Variants in EFCAB12 observed in about 807,000 individuals in gnomAD.
EFCAB12 encodes the protein EF-hand calcium binding domain 12.
EFCAB12 carries 43 observed loss-of-function variants against 53.6 expected under a neutral mutation model. The observed-to-expected ratio is 0.80, with a 90% CI of 0.63 to 1.03. The LOEUF is 1.03. Ranked by LOEUF, EFCAB12 falls within the 50% of genes least tolerant of loss-of-function variation. The pLI, the probability that EFCAB12 is intolerant of heterozygous loss-of-function variation, is 0.00. For synonymous variants in EFCAB12, 269 were observed against 289.2 expected (o/e 0.93, Z 0.71); for missense variants, 646 against 730.6 (o/e 0.88, Z 1.34).
rs754212590 is a variant in EFCAB12 at position 129,428,501 on chromosome 3, G to T, written c.-13C>A. On this transcript the variant is annotated 5_prime_UTR_variant, in exon 1 of 9. Transcript: ENST00000505956. ...AGTCGTCGTCCATGGTCGTGGTGCT[G>T]GGAGGGGGTGCTGAAGGGCGTGTGT... The T allele has an allele frequency of 1.2e-6, 2 of 1,610,788 alleles. No individual in the cohort carries two copies. The highest frequency in any genetic ancestry group is 3.4e-5 in the Admixed American group (2 of 59,552).
chr3:129,404,318 CCAGT>C lies in EFCAB12; in HGVS notation c.1331_1334del (p.Asp444GlyfsTer45). ...GAGCCAGATTCGGAGAAAAGACCTT[CCAGT>C]CAGAGTAGTAGCCTCCCGGCTGCCG... On this transcript the variant is annotated frameshift_variant, in exon 7 of 9. Transcript: ENST00000505956. LOFTEE classifies it high-confidence loss of function. The C allele has an allele frequency of 6.2e-7, 1 of 1,613,878 alleles. No individual in the cohort carries two copies.
At chr3:129,402,805 G>C (rs761883757) in intron 7 of EFCAB12, 16 of 534,466 alleles carry the variant, frequency 3.0e-5, no homozygotes, top group Non-Finnish European at 4.7e-5. Context: ...AATCTGGCCA[G>C]GTGACCTGGG....
At position 129,401,441 on chromosome 3, in the gene EFCAB12, G is replaced by C. The variant is rs2071868014; in HGVS notation, c.*152C>G. Reference sequence around the variant, plus strand: ...TACCCTCTGAGACACTGGACACTTTGAGTCCAGAGGGAACTGGCCCCCGGT... The same window carrying C: ...TACCCTCTGAGACACTGGACACTTTCAGTCCAGAGGGAACTGGCCCCCGGT... On this transcript the variant is annotated 3_prime_UTR_variant, in exon 9 of 9. Transcript: ENST00000505956. The C allele has an allele frequency of 2.7e-6, 3 of 1,101,862 alleles. No homozygotes were observed. Among genetic ancestry groups the C allele is most frequent in the African/African-American group, 3.2e-5 (2 of 63,316 alleles). The allele number at this position is 1,101,862 out of a possible 1,614,324, so 68.3% of individuals were successfully genotyped here. A position where few individuals can be genotyped will look rare whatever the true frequency, so the allele number is the denominator to read the frequency against.
In EFCAB12 at chr3:129,421,519, G is replaced by C. The variant is rs1270767215; in HGVS notation, c.334C>G (p.Leu112Val). Residue 112 changes from leucine to valine, a missense_variant, in exon 2 of 9, where the codon CTG becomes GTG. Coordinates refer to ENST00000505956, the MANE Select transcript of EFCAB12 (RefSeq NM_207307.3). ...CCAAAGGACTCTAGCTCCTGCCGCAGCTTCGACCTCTGGCTCAGCCAGGTC... is the reference window on the plus strand; with the variant it reads ...CCAAAGGACTCTAGCTCCTGCCGCACCTTCGACCTCTGGCTCAGCCAGGTC... Reference protein sequence around the residue: ...RKTWLSQRSKLRQELESFGDV... With the variant: ...RKTWLSQRSKVRQELESFGDV... 6.2e-7 allele frequency: 1 copy of C among 1,614,016 alleles called. No individual in the cohort carries two copies. The highest frequency in any genetic ancestry group is 1.3e-5 in the African/African-American group (1 of 75,038).
Position 129,411,349 on chromosome 3 carries a change from T to C in EFCAB12, c.844A>G (p.Ile282Val), listed in dbSNP as rs1318853904. The C allele has an allele frequency of 1.3e-6, 2 of 1,573,696 alleles. No individual in the cohort carries two copies. Among genetic ancestry groups the C allele is most frequent in the Admixed American group, 3.6e-5 (2 of 56,078 alleles). The change falls in exon 5 of 9, where the codon ATC (isoleucine) becomes GTC (valine). Residue 282 changes from isoleucine to valine, a missense_variant. Transcript: ENST00000505956. The stretch of plus-strand genomic sequence containing the variant: ...AGGGAATCTCTGTGCTTGGCCAAGA[T>C]ATAATCTGGAGTCAGAGGGAAGAGA... ...SSLATAREHYILAKHRDSLKG... is the reference protein window; with the variant it reads ...SSLATAREHYVLAKHRDSLKG...
chr3:129,418,620 A>G, intron 2 of EFCAB12, 172 bp from the exon 3 acceptor site: 1 of 485,290 alleles, frequency 2.1e-6, no homozygotes, highest in South Asian at 6.5e-5. Context: ...AATGCCTGGG[A>G]GACTTTGCTT....
intron 7 of EFCAB12, 134 bp downstream of exon 7, chr3:129,404,116 G>A: frequency 8.3e-7 from 1 of 1,198,918 alleles, no homozygotes; most frequent in Non-Finnish European, 1.2e-6. Context: ...CAGTCAGGTT[G>A]GGGGATGTTG....
At position 129,418,544 on chromosome 3, in the gene EFCAB12, G is replaced by A. The variant is rs374315193; in HGVS notation, c.487-96C>T. The A allele has an allele frequency of 2.5e-6, 3 of 1,182,868 alleles. No homozygotes were observed. The East Asian group carries it at 7.8e-5, about 31-fold the overall frequency. 73.3% of individuals were successfully genotyped at this position (1,182,868 alleles called of 1,614,324 possible). ...GAGTTAGGGACTAAGGAGAGGACGA[G>A]CAGCTCTAAATAGCAGGATAGAGTA... On this transcript the variant is annotated intron_variant, in intron 2 of 8. Coordinates refer to ENST00000505956, the MANE Select transcript of EFCAB12 (RefSeq NM_207307.3).
At chr3:129,420,450 T>C (rs2072174370) in intron 2 of EFCAB12, among the ~76,000 whole-genome samples, 1 of 152,118 alleles carries the variant, frequency 6.6e-6, no homozygotes, top group Admixed American at 6.5e-5. Context: ...AGAGAATGAG[T>C]TGGTAGTACC....
At position 129,408,780 on chromosome 3, in the gene EFCAB12, G is replaced by A; in HGVS notation, c.1114C>T (p.Leu372Phe). The A allele has an allele frequency of 6.3e-7, 1 of 1,578,486 alleles. No homozygotes were observed. The highest frequency in any genetic ancestry group is 8.6e-7 in the Non-Finnish European group (1 of 1,161,780). ...CGNRHFDEHC[L>F]PSTIHGDMRE... is the part of the protein sequence containing the mutation. ...ATATCCCCGTGGATGGTGGACGGGA[G>A]GCAGTGCTCATCAAAGTGCCGATTC... The change falls in exon 6 of 9, where the codon CTC (leucine) becomes TTC (phenylalanine). Residue 372 changes from leucine to phenylalanine, a missense_variant. Leu to Phe is a conservative substitution (Grantham distance 22). Transcript: ENST00000505956.
intron 8 of EFCAB12, among the ~76,000 whole-genome samples, 173 bp downstream of exon 8, chr3:129,402,350 T>C (rs2071883616): frequency 6.6e-6 from 1 of 152,120 alleles, no homozygotes; most frequent in Non-Finnish European, 1.5e-5. Context: ...AGTGAACACA[T>C]GGAAAGCCCC....
chr3:129,420,444 A>G (rs546014216), intron 2 of EFCAB12, among the ~76,000 whole-genome samples: 1 of 152,330 alleles, frequency 6.6e-6, no homozygotes, highest in East Asian at 1.9e-4. Flanking sequence ...ACAGAGAGAG[A>G]ATGAGTTGGT....
Position 129,418,465 on chromosome 3 carries a change from G to C in EFCAB12, c.487-17C>G, listed in dbSNP as rs370884194. ...GGCTTTCTTCTGGAAGAGGTGAGAG[G>C]GTAGGGCAGAGGAGAGAGTTCAAAG... On this transcript the variant is annotated splice_polypyrimidine_tract_variant and intron_variant, in intron 2 of 8. Coordinates refer to ENST00000505956, the MANE Select transcript of EFCAB12 (RefSeq NM_207307.3). 21 of 1,586,238 alleles carry C rather than the reference G, an allele frequency of 1.3e-5. No homozygotes were observed. The highest frequency in any genetic ancestry group is 1.5e-5 in the Non-Finnish European group (17 of 1,166,148).
At position 129,401,545 on chromosome 3, in the gene EFCAB12, A is replaced by T. The variant is rs1434295287; in HGVS notation, c.*48T>A. 6.8e-7 allele frequency: 1 copy of T among 1,476,176 alleles called. No homozygotes were observed. The highest frequency in any genetic ancestry group is 1.4e-5 in the South Asian group (1 of 72,338). The allele number at this position is 1,476,176 out of a possible 1,614,324, so 91.4% of individuals were successfully genotyped here. ...GTCTGGGCTCTGGGCCGCTGGCTGC[A>T]CTGGCCCCTGGCCCAGGAAGGCTGG... On this transcript the variant is annotated 3_prime_UTR_variant, in exon 9 of 9. Transcript: ENST00000505956.
At chr3:129,417,760 A>G (rs987230299) in intron 3 of EFCAB12, among the ~76,000 whole-genome samples, 4 of 152,024 alleles carry the variant, frequency 2.6e-5, no homozygotes, top group African/African-American at 9.7e-5. Context: ...AGTGAAAGTA[A>G]AAGTGTGGTC....
intron 6 of EFCAB12, among the ~76,000 whole-genome samples, chr3:129,406,240 G>A (rs957992234): frequency 1.3e-5 from 2 of 152,268 alleles, no homozygotes; most frequent in East Asian, 3.9e-4. Flanking sequence ...CCCAAGGAAG[G>A]AAGAAGGAGG....
Position 129,401,478 on chromosome 3 carries a change from T to C in EFCAB12, c.*115A>G. 1 of 1,393,380 alleles carries C rather than the reference T, an allele frequency of 7.2e-7. No homozygotes were observed. The highest frequency in any genetic ancestry group is 9.5e-7 in the Non-Finnish European group (1 of 1,050,706). The allele number at this position is 1,393,380 out of a possible 1,614,324, so 86.3% of individuals were successfully genotyped here. A position where few individuals can be genotyped will look rare whatever the true frequency, so the allele number is the denominator to read the frequency against. The stretch of plus-strand genomic sequence containing the variant: ...AACTGGCCCCCGGTCCATCCCTCTT[T>C]GAAAGGATTTCTTTAGTTTGACTCT... On this transcript the variant is annotated 3_prime_UTR_variant, in exon 9 of 9. Coordinates refer to ENST00000505956, the MANE Select transcript of EFCAB12 (RefSeq NM_207307.3).
rs557119755 is a variant in EFCAB12, at chr3:129,425,935, C to T, written c.49+2505G>A. ...GCTAGAAAATATTTCCTTATATTGA[C>T]CCAGAATTTGTTTCCCTGGACTTTC... On this transcript the variant is annotated intron_variant, in intron 1 of 8. Transcript: ENST00000505956. Among the ~76,000 whole-genome samples, 32 of 152,296 alleles carry T rather than the reference C, an allele frequency of 2.1e-4. 1 individual carries two copies. The highest frequency in any genetic ancestry group is 7.5e-4 in the African/African-American group (31 of 41,552).
At chr3:129,414,280 A>G (rs1471223909) in intron 4 of EFCAB12, 1 of 152,224 alleles carries the variant, frequency 6.6e-6, no homozygotes, top group Admixed American at 6.5e-5. Flanking sequence ...CTGTCCCCAA[A>G]TGAGCCACTC....
Sources: allele counts gnomAD v4.1 joint callset (sites outside exome capture counted in the v4.1 genomes callset), GRCh38; gene constraint gnomAD v4.1.1; transcripts MANE v1.5; gene names NCBI Gene and HGNC (gene_info 2026-07-23, HGNC 2026-07-21).